Variants in PTDSS2 observed in about 807,000 individuals in gnomAD.
PTDSS2 encodes PSS-2.
Under a neutral mutation model 64.7 loss-of-function variants are expected in PTDSS2, and 41 were observed. The ratio of observed to expected loss-of-function variants is 0.63; its 90% CI spans 0.49 to 0.82. The LOEUF (loss-of-function observed/expected upper bound fraction) is 0.82, where lower values mean the gene tolerates loss of function less well. PTDSS2 is among the 40% of genes least tolerant of loss of function. The probability of loss-of-function intolerance (pLI) is 0.00; values close to 1 mark genes in which losing one functional copy is unlikely to be tolerated. For missense variants in PTDSS2, 485 were observed against 650.0 expected (o/e 0.75, Z 2.76); for synonymous variants, 297 against 277.8 (o/e 1.07, Z -0.69).
chr11:485,927 A>G (rs1159645906), intron 4 of PTDSS2, among the ~76,000 whole-genome samples: 1 of 69,420 alleles, frequency 1.4e-5, no homozygotes, highest in Admixed American at 1.7e-4. Context: ...GCGTGTGCTC[A>G]CCGTGCGCGC....
chr11:450,796 C>T (rs1055715087), intron 1 of PTDSS2, among the ~76,000 whole-genome samples, 159 bp downstream of exon 1: 1 of 151,998 alleles, frequency 6.6e-6, no homozygotes, highest in Non-Finnish European at 1.5e-5. Flanking sequence ...CCCCGGGTCC[C>T]GGGGAGCGGC....
rs900792494 is a variant in PTDSS2, at chr11:490,470, A to G, written c.1352A>G (p.Lys451Arg). 1 of 1,613,092 alleles carries G rather than the reference A, an allele frequency of 6.2e-7. No individual in the cohort carries two copies. Among genetic ancestry groups the G allele is most frequent in the African/African-American group, 1.3e-5 (1 of 74,920 alleles). The change falls in exon 12 of 12, where the codon AAG becomes AGG. Residue 451 changes from lysine (K) to arginine (R), a missense_variant. Lys to Arg is a conservative substitution (Grantham distance 26). Coordinates refer to ENST00000308020, the MANE Select transcript of PTDSS2 (RefSeq NM_030783.3). ...ACCCGGTGGCAGAAGTGGCAGAACAAGGATGACCAGGGCAGCACCGTCGGC... is the reference window on the plus strand; with the variant it reads ...ACCCGGTGGCAGAAGTGGCAGAACAGGGATGACCAGGGCAGCACCGTCGGC... The part of the protein sequence containing the change: ...KETRWQKWQN[K>R]DDQGSTVGNG...
At chr11:484,552 G>T (rs1208597139) in intron 4 of PTDSS2, among the ~76,000 whole-genome samples, 1 of 142,320 alleles carries the variant, frequency 7.0e-6, no homozygotes, top group East Asian at 1.9e-4. Context: ...CAGTGCACGG[G>T]CGCGTGTGTG....
chr11:488,447 G>C, intron 7 of PTDSS2, 82 bp from the exon 8 acceptor site: 1 of 1,382,728 alleles, frequency 7.2e-7, no homozygotes, highest in Non-Finnish European at 1.0e-6. Context: ...GGCATTCTCG[G>C]TTCCCCTGTG....
chr11:455,478 C>A (rs979802000), intron 1 of PTDSS2, among the ~76,000 whole-genome samples: 1 of 152,154 alleles, frequency 6.6e-6, no homozygotes, highest in East Asian at 1.9e-4. Context: ...GGGCCCTTGG[C>A]GGGGTTCTGG....
intron 2 of PTDSS2, among the ~76,000 whole-genome samples, chr11:472,430 C>A (rs1212714145): frequency 3.3e-5 from 5 of 152,204 alleles, no homozygotes; most frequent in African/African-American, 1.2e-4. Flanking sequence ...CTGCCTCTGT[C>A]CCTGGAGGCT....
At chr11:468,492 G>C (rs941888731) in intron 2 of PTDSS2, among the ~76,000 whole-genome samples, 1 of 152,230 alleles carries the variant, frequency 6.6e-6, no homozygotes, top group Non-Finnish European at 1.5e-5. Flanking sequence ...GGCGGGGAAG[G>C]CCGACTGACA....
chr11:472,974 T>TG (rs1847548066), intron 2 of PTDSS2, among the ~76,000 whole-genome samples: 1 of 152,296 alleles, frequency 6.6e-6, no homozygotes, highest in South Asian at 2.1e-4. Context: ...GACCCTGAGC[T>TG]GAGCACGACT....
At chr11:487,338 C>T in intron 5 of PTDSS2, 82 bp from the exon 6 acceptor site, 1 of 1,328,654 alleles carries the variant, frequency 7.5e-7, no homozygotes, top group Non-Finnish European at 1.1e-6. Context: ...GCAGGTGCTG[C>T]TCAGGTGTGG....
upstream of PTDSS2, among the ~76,000 whole-genome samples, chr11:449,584 A>C (rs908719161): frequency 6.6e-6 from 1 of 152,216 alleles, no homozygotes; most frequent in Non-Finnish European, 1.5e-5. Context: ...CATGTCAACA[A>C]TTTGGGTCAA....
chr11:486,834 C>G, intron 4 of PTDSS2, 105 bp from the exon 5 acceptor site: 22 of 1,426,070 alleles, frequency 1.5e-5, no homozygotes, highest in Non-Finnish European at 2.0e-5. Context: ...GGCGACAGAG[C>G]GAGACTCCAT....
At position 490,786 on chromosome 11, in the gene PTDSS2, A is replaced by ACGCG. The variant is rs1848642773; in HGVS notation, c.*204_*205insCGCG. The ACGCG allele has an allele frequency of 3.4e-6, 2 of 595,974 alleles. No homozygotes were observed. Among genetic ancestry groups the ACGCG allele is most frequent in the Admixed American group, 3.0e-5 (1 of 32,898 alleles). 36.9% of individuals were successfully genotyped at this position (595,974 alleles called of 1,614,324 possible). On this transcript the variant is annotated 3_prime_UTR_variant, in exon 12 of 12. Transcript: ENST00000308020. ...CATGTGTACACGTGTGTACGTGTGT[A>ACGCG]TGCGTGTGTGTACGCGTGTGTACGC...
In PTDSS2 at chr11:457,122, A is replaced by T. The variant is rs376018224; in HGVS notation, c.183-3065A>T. On this transcript the variant is annotated intron_variant, in intron 1 of 11. Coordinates refer to ENST00000308020, the MANE Select transcript of PTDSS2 (RefSeq NM_030783.3). ...AACCTGACCCACATGGCAAGACCCCATCTGCACAAAAAATACAGAAAGTTC... is the reference window on the plus strand; with the variant it reads ...AACCTGACCCACATGGCAAGACCCCTTCTGCACAAAAAATACAGAAAGTTC... Among the ~76,000 whole-genome samples the T allele has an allele frequency of 9.8e-5, 15 of 152,356 alleles. No homozygotes were observed. The East Asian group carries it at 2.7e-3, about 27-fold the overall frequency.
chr11:481,328 A>G (rs905739546), intron 4 of PTDSS2, among the ~76,000 whole-genome samples: 2 of 152,196 alleles, frequency 1.3e-5, no homozygotes, highest in African/African-American at 4.8e-5. Flanking sequence ...GTTTTGAATC[A>G]TCTGGGTCTC....
In PTDSS2 at chr11:474,865, G is replaced by A. The variant is rs568299664; in HGVS notation, c.367+888G>A. Among the ~76,000 whole-genome samples, 13 of 152,124 alleles carry A rather than the reference G, an allele frequency of 8.5e-5. No individual in the cohort carries two copies. The South Asian group carries it at 2.1e-3, about 24-fold the overall frequency. On this transcript the variant is annotated intron_variant, in intron 3 of 11. Transcript: ENST00000308020. ...GACATATTCACTTGTTTGTGTATAC[G>A]GACATATTCACGTGTTTGTGTGTGC...
chr11:486,254 G>A (rs559427287), intron 4 of PTDSS2, among the ~76,000 whole-genome samples: 40 of 152,154 alleles, frequency 2.6e-4, no homozygotes, highest in Non-Finnish European at 2.1e-4. Context: ...CCACAAGGGC[G>A]ACTCCTGTGA....
rs1846858354 is a variant in PTDSS2 at position 461,052 on chromosome 11, C to T, written c.284+764C>T. On this transcript the variant is annotated intron_variant, in intron 2 of 11. Coordinates refer to ENST00000308020, the MANE Select transcript of PTDSS2 (RefSeq NM_030783.3). This position sits in a 1 kb window ranked among gnomAD's most constrained non-coding sequence, Gnocchi z 4.2. ...GAGGAAGCCGGAGCAGGGTCTGAGACCAGCAGCAGGATGGGGACAGAGGTG... is the reference window on the plus strand; with the variant it reads ...GAGGAAGCCGGAGCAGGGTCTGAGATCAGCAGCAGGATGGGGACAGAGGTG... 6.6e-6 allele frequency: 1 copy of T among 152,310 alleles called. No homozygotes were observed. Among genetic ancestry groups the T allele is most frequent in the Admixed American group, 6.5e-5 (1 of 15,278 alleles). 9.4% of individuals were successfully genotyped at this position (152,310 alleles called of 1,614,324 possible).
At chr11:453,866 C>T (rs576852965) in intron 1 of PTDSS2, among the ~76,000 whole-genome samples, 14 of 152,264 alleles carry the variant, frequency 9.2e-5, no homozygotes, top group Non-Finnish European at 2.1e-4. Context: ...CTCCCCATGG[C>T]AGGGAGCCAG....
Sources: gnomAD v4.1 joint callset for allele counts (sites outside exome capture counted in the v4.1 genomes callset) on GRCh38, gnomAD v4.1.1 for gene constraint, Gnocchi (gnomAD v3.1) non-coding constraint, MANE v1.5 for transcripts, NCBI Gene and HGNC (gene_info 2026-07-23, HGNC 2026-07-21) for gene names.